DYNC2H1: variants seen among roughly 807,000 people sequenced by gnomAD.
DYNC2H1 encodes cytoplasmic dynein 2 heavy chain 1.
A neutral mutation model predicts 570.0 loss-of-function variants in DYNC2H1; 410 were observed. The observed-to-expected ratio is 0.72, with a 90% CI of 0.66 to 0.78. The LOEUF (loss-of-function observed/expected upper bound fraction) is 0.78. DYNC2H1 is among the 30% of genes least tolerant of loss of function. DYNC2H1 has a pLI of 0.00. For synonymous variants in DYNC2H1, 1,688 were observed against 1,677.6 expected, an observed-to-expected ratio of 1.01 and a Z score of -0.15; for missense variants, 4,865 against 5,046.4, an observed-to-expected ratio of 0.96 and a Z score of 1.09.
chr11:103,235,885 T>G, intron 62 of DYNC2H1, 72 bp downstream of exon 62: 1 of 1,565,064 alleles, frequency 6.4e-7, no homozygotes, highest in South Asian at 1.2e-5. Context: ...TTCAATATAC[T>G]AAAAATAGAC....
At position 103,220,860 on chromosome 11, in the gene DYNC2H1, T is replaced by C. The variant is rs1020926126; in HGVS notation, c.9107+77T>C. ...CTTTCGTAGTTTTAAATATTTCTTA[T>C]ATTGTTTTTCAAAATGCACTTCATC... On this transcript the variant is annotated intron_variant, in intron 57 of 88. Transcript: ENST00000375735. 3.6e-6 allele frequency: 5 copies of C among 1,404,522 alleles called. No individual in the cohort carries two copies. The Admixed American group carries it at 9.4e-5, about 26-fold the overall frequency. 87.0% of individuals were successfully genotyped at this position (1,404,522 alleles called of 1,614,324 possible). A position where few individuals can be genotyped will look rare whatever the true frequency, so the allele number is the denominator to read the frequency against.
At position 103,163,340 on chromosome 11, in the gene DYNC2H1, C is replaced by G. The variant is rs1861175849; in HGVS notation, c.4611+193C>G. Among the ~76,000 whole-genome samples the G allele has an allele frequency of 6.6e-6, 1 of 152,090 alleles. No individual in the cohort carries two copies. The highest frequency in any genetic ancestry group is 2.4e-5 in the African/African-American group (1 of 41,424). ...GGGGATGAATTGAGATCCAAGCAACCTAGGCCAGTGGTGAGTAGGATGGGG... is the reference window on the plus strand; with the variant it reads ...GGGGATGAATTGAGATCCAAGCAACGTAGGCCAGTGGTGAGTAGGATGGGG... On this transcript the variant is annotated intron_variant, in intron 30 of 88. Transcript: ENST00000375735. The surrounding 1 kb of genome is among the most constrained non-coding windows in gnomAD (Gnocchi z 4.6).
intron 78 of DYNC2H1, among the ~76,000 whole-genome samples, chr11:103,309,483 A>G (rs1867473925): frequency 6.6e-6 from 1 of 150,686 alleles, no homozygotes; most frequent in Non-Finnish European, 1.5e-5. Context: ...GGCATGAGCC[A>G]TTGTGCCTGG....
At chr11:103,403,669 T>G (rs1173023718) in intron 84 of DYNC2H1, 1 of 152,064 alleles carries the variant, frequency 6.6e-6, no homozygotes, top group East Asian at 1.9e-4. Context: ...TTTTGATGCC[T>G]AATGAGGGAA....
intron 70 of DYNC2H1, among the ~76,000 whole-genome samples, chr11:103,263,022 C>CAAAAAAAAAAAAAA (rs35912109): frequency 6.8e-4 from 27 of 39,978 alleles, no homozygotes; most frequent in Admixed American, 1.1e-3. Context: ...AAATGGAAAG[C>CAAAAAAAAAAAAAA]AAAAAAAAAA....
At position 103,239,849 on chromosome 11, in the gene DYNC2H1, T is replaced by C. The variant is rs1427070198; in HGVS notation, c.9819+3310T>C. Among the ~76,000 whole-genome samples the C allele has an allele frequency of 6.6e-6, 1 of 152,162 alleles. No homozygotes were observed. Among genetic ancestry groups the C allele is most frequent in the East Asian group, 1.9e-4 (1 of 5,204 alleles). On this transcript the variant is annotated intron_variant, in intron 63 of 88. Coordinates refer to ENST00000375735, the MANE Select transcript of DYNC2H1 (RefSeq NM_001377.3). The surrounding 1 kb of genome is among the most constrained non-coding windows in gnomAD (Gnocchi z 4.3). ...TTTTAAAAATTATCTCTTTCAAAAATATCCTTTGACCAATCTTTTTTTCCC... is the reference window on the plus strand; with the variant it reads ...TTTTAAAAATTATCTCTTTCAAAAACATCCTTTGACCAATCTTTTTTTCCC...
chr11:103,365,091 T>A (rs1033435611), intron 83 of DYNC2H1, among the ~76,000 whole-genome samples: 1 of 152,208 alleles, frequency 6.6e-6, no homozygotes, highest in Non-Finnish European at 1.5e-5. Context: ...CCAGGTGCGG[T>A]GGCTCATGCC....
chr11:103,440,325 GC>G (rs1944221106), intron 85 of DYNC2H1, among the ~76,000 whole-genome samples: 3 of 152,188 alleles, frequency 2.0e-5, no homozygotes, highest in Admixed American at 6.5e-5. Flanking sequence ...TGTTAAATTA[GC>G]ATTAAGGTTT....
chr11:103,116,839 G>GC, intron 5 of DYNC2H1, 125 bp downstream of exon 5: 1 of 755,294 alleles, frequency 1.3e-6, no homozygotes, highest in Non-Finnish European at 1.9e-6. Flanking sequence ...AGCAAATCAT[G>GC]TAGCATTATT....
At position 103,186,379 on chromosome 11, in the gene DYNC2H1, C is replaced by T; in HGVS notation, c.6771C>T (p.Gly2257=). Residue 2257 remains glycine (G), a synonymous_variant, in exon 42 of 89, where the codon GGC becomes GGT. Transcript: ENST00000375735. The surrounding 1 kb of genome is among the most constrained non-coding windows in gnomAD (Gnocchi z 4.5). ...EDLTADDFSN[G]LTLPVIQTPD... is the part of the protein sequence containing the mutation. ...TGACTGCTGATGATTTCAGTAACGG[C>T]TTAACTCTTCCAGTCATTCAGACTC... The T allele has an allele frequency of 6.2e-7, 1 of 1,612,880 alleles. No homozygotes were observed. Among genetic ancestry groups the T allele is most frequent in the Non-Finnish European group, 8.5e-7 (1 of 1,179,184 alleles).
intron 6 of DYNC2H1, among the ~76,000 whole-genome samples, chr11:103,118,921 C>A (rs1323434624): frequency 3.3e-5 from 5 of 152,098 alleles, no homozygotes; most frequent in Non-Finnish European, 7.4e-5. Flanking sequence ...TGCTCTCCAA[C>A]TTTTAAAAAA....
intron 83 of DYNC2H1, among the ~76,000 whole-genome samples, chr11:103,373,516 T>A (rs1223730761): frequency 1.3e-5 from 2 of 152,224 alleles, no homozygotes; most frequent in Admixed American, 1.3e-4. Context: ...CCCAAATTTT[T>A]CTTATTGATT....
chr11:103,415,734 C>G (rs1943256490), intron 84 of DYNC2H1, among the ~76,000 whole-genome samples: 1 of 152,224 alleles, frequency 6.6e-6, no homozygotes, highest in South Asian at 2.1e-4. Flanking sequence ...TTGTGGAAGA[C>G]AGTGTGGCGA....
intron 79 of DYNC2H1, among the ~76,000 whole-genome samples, chr11:103,312,633 T>C (rs942729866): frequency 7.3e-5 from 11 of 151,476 alleles, no homozygotes; most frequent in Non-Finnish European, 1.5e-4. Flanking sequence ...ATTTGGCTCA[T>C]GACTTAAATT....
chr11:103,431,391 T>C (rs1242819354), intron 84 of DYNC2H1, among the ~76,000 whole-genome samples: 1 of 152,110 alleles, frequency 6.6e-6, no homozygotes, highest in East Asian at 1.9e-4. Context: ...GTATTGGTGC[T>C]GATATGGACT....
chr11:103,117,224 T>A (rs1158070655), intron 5 of DYNC2H1, among the ~76,000 whole-genome samples: 1 of 146,956 alleles, frequency 6.8e-6, no homozygotes, highest in Non-Finnish European at 1.5e-5. Context: ...TATATATATT[T>A]AATATATGTA....
intron 12 of DYNC2H1, among the ~76,000 whole-genome samples, chr11:103,126,026 A>G (rs1858978501): frequency 6.6e-6 from 1 of 152,082 alleles, no homozygotes; most frequent in Admixed American, 6.6e-5. Context: ...CTGTTATAAT[A>G]CTGCTCATAT....
At chr11:103,144,194 C>T (rs1279071903) in intron 18 of DYNC2H1, among the ~76,000 whole-genome samples, 1 of 152,172 alleles carries the variant, frequency 6.6e-6, no homozygotes, top group Non-Finnish European at 1.5e-5. Context: ...CAGCTGTTAC[C>T]AGCTGTATGA....
chr11:103,134,530 A>G (rs1859440721), intron 15 of DYNC2H1, 111 bp downstream of exon 15: 1 of 611,070 alleles, frequency 1.6e-6, no homozygotes, highest in Admixed American at 3.8e-5. Context: ...AAATCTTACT[A>G]ATAAATACCT....
Sources: allele counts gnomAD v4.1 joint callset (sites outside exome capture counted in the v4.1 genomes callset), GRCh38; gene constraint gnomAD v4.1.1; non-coding constraint Gnocchi (gnomAD v3.1); transcripts MANE v1.5; gene names NCBI Gene and HGNC (gene_info 2026-07-23, HGNC 2026-07-21).